Variants in SORCS3 observed in about 807,000 individuals in gnomAD.
The protein encoded by SORCS3 is VPS10 domain-containing receptor SorCS3.
In SORCS3, 57 loss-of-function variants were observed where a neutral mutation model predicts 146.3. The ratio of observed to expected loss-of-function variants is 0.39; its 90% CI spans 0.31 to 0.49. SORCS3 has a LOEUF of 0.49. SORCS3 is among the 20% of genes least tolerant of loss of function. The probability of loss-of-function intolerance (pLI) is 0.92; values close to 1 mark genes in which losing one functional copy is unlikely to be tolerated. For synonymous variants in SORCS3, 653 were observed against 618.5 expected, an observed-to-expected ratio of 1.06 and a Z score of -0.83; for missense variants, 1,341 against 1,575.5, an observed-to-expected ratio of 0.85 and a Z score of 2.52.
chr10:104,954,595 G>A (rs2019467313), intron 3 of SORCS3, among the ~76,000 whole-genome samples: 1 of 152,172 alleles, frequency 6.6e-6, no homozygotes, highest in South Asian at 2.1e-4. Flanking sequence ...AAGTAGAATA[G>A]GATTTGTTTC....
chr10:105,136,698 G>T (rs2056061074), intron 7 of SORCS3, among the ~76,000 whole-genome samples: 2 of 152,112 alleles, frequency 1.3e-5, no homozygotes. Flanking sequence ...GAGGTTTAAT[G>T]CATCAGTTGG....
At position 104,776,697 on chromosome 10, in the gene SORCS3, G is replaced by A. The variant is rs537213157; in HGVS notation, c.628-66095G>A. 3.3e-5 allele frequency among the ~76,000 whole-genome samples: 5 copies of A among 151,644 alleles called. No homozygotes were observed. The East Asian group carries it at 9.7e-4, about 29-fold the overall frequency. On this transcript the variant is annotated intron_variant, in intron 1 of 26. Coordinates refer to ENST00000369701, the MANE Select transcript of SORCS3 (RefSeq NM_014978.3). The stretch of plus-strand genomic sequence containing the variant: ...CCAGACATACTGCATGGCCCCCTCC[G>A]AGAGCCACCCACAGCCTTTTCTTTA...
At chr10:105,111,033 A>G (rs1415743536) in intron 7 of SORCS3, among the ~76,000 whole-genome samples, 2 of 152,092 alleles carry the variant, frequency 1.3e-5, no homozygotes, top group Non-Finnish European at 2.9e-5. Context: ...TACCTACTCC[A>G]TCAGTCACAT....
At chr10:105,208,959 A>G (rs1007384131) in intron 16 of SORCS3, among the ~76,000 whole-genome samples, 8 of 152,090 alleles carry the variant, frequency 5.3e-5, no homozygotes, top group Non-Finnish European at 1.2e-4. Context: ...AAACATGCCA[A>G]TATAAGACTG....
At chr10:105,106,439 T>G (rs1183409844) in intron 7 of SORCS3, among the ~76,000 whole-genome samples, 1 of 152,198 alleles carries the variant, frequency 6.6e-6, no homozygotes, top group Non-Finnish European at 1.5e-5. Context: ...CTTGCAACTT[T>G]ATGGTCTATA....
At chr10:104,906,269 C>A (rs1419149546) in intron 2 of SORCS3, among the ~76,000 whole-genome samples, 1 of 152,170 alleles carries the variant, frequency 6.6e-6, no homozygotes, top group East Asian at 1.9e-4. Flanking sequence ...TTTCCCTGGA[C>A]TTTAATTTGT....
chr10:105,102,755 TTTTATA>T, intron 6 of SORCS3, among the ~76,000 whole-genome samples: 1 of 151,830 alleles, frequency 6.6e-6, no homozygotes, highest in East Asian at 1.9e-4. Flanking sequence ...CTGTACCATC[TTTTATA>T]TTTAAATTAC....
chr10:104,694,960 C>A (rs560040382), intron 1 of SORCS3, among the ~76,000 whole-genome samples: 1 of 152,268 alleles, frequency 6.6e-6, no homozygotes, highest in South Asian at 2.1e-4. Flanking sequence ...TTAGACCAAA[C>A]AGCTTTTCTG....
At chr10:104,936,270 G>GA (rs1365706816) in intron 3 of SORCS3, among the ~76,000 whole-genome samples, 5 of 151,034 alleles carry the variant, frequency 3.3e-5, no homozygotes, top group Non-Finnish European at 5.9e-5. Flanking sequence ...AATGGAGCAA[G>GA]AAAAAAAAAT....
rs2056056411 is a variant in SORCS3 at position 105,135,967 on chromosome 10, G to T, written c.1213-3430G>T. ...CTGAAGAAGGGTCCTCACCAGAATT[G>T]CCCTTAATGCGCTGTTTAATGCAAT... On this transcript the variant is annotated intron_variant, in intron 7 of 26. Transcript: ENST00000369701. Among the ~76,000 whole-genome samples, 2 of 152,228 alleles carry T rather than the reference G, an allele frequency of 1.3e-5. 1 individual carries two copies. The highest frequency in any genetic ancestry group is 2.9e-5 in the Non-Finnish European group (2 of 68,008).
chr10:104,834,805 A>G (rs1248789264), intron 1 of SORCS3, among the ~76,000 whole-genome samples: 7 of 151,534 alleles, frequency 4.6e-5, no homozygotes, highest in Admixed American at 4.6e-4. Context: ...CATGCTATAC[A>G]TATTAGTTTG....
chr10:105,092,181 C>T (rs1277549074), intron 6 of SORCS3, among the ~76,000 whole-genome samples: 1 of 152,184 alleles, frequency 6.6e-6, no homozygotes, highest in African/African-American at 2.4e-5. Flanking sequence ...GCCTATGGTG[C>T]AGGACTTCCG....
intron 1 of SORCS3, among the ~76,000 whole-genome samples, chr10:104,670,384 C>T (rs548524167): frequency 9.3e-4 from 141 of 152,096 alleles, no homozygotes; most frequent in Admixed American, 2.5e-3. Context: ...TTTTTATATA[C>T]GGTGTGAGGT....
At chr10:105,253,444 A>G (rs1339037077) in intron 23 of SORCS3, among the ~76,000 whole-genome samples, 1 of 152,106 alleles carries the variant, frequency 6.6e-6, no homozygotes, top group East Asian at 1.9e-4. Flanking sequence ...AGGGATTGTG[A>G]TTTACTGTTC....
At chr10:104,840,725 C>T (rs1033642969) in intron 1 of SORCS3, among the ~76,000 whole-genome samples, 1 of 37,562 alleles carries the variant, frequency 2.7e-5, no homozygotes, top group Non-Finnish European at 4.8e-5. Context: ...AAACTCTTAC[C>T]CTCAGCATCT....
intron 6 of SORCS3, among the ~76,000 whole-genome samples, chr10:105,102,102 G>C (rs1303673689): frequency 6.6e-6 from 1 of 152,172 alleles, no homozygotes; most frequent in Non-Finnish European, 1.5e-5. Flanking sequence ...TGTCCTTAAA[G>C]CATGTTGGAC....
intron 5 of SORCS3, among the ~76,000 whole-genome samples, chr10:105,059,922 G>A (rs2055472549): frequency 6.6e-6 from 1 of 152,218 alleles, no homozygotes. Context: ...GCTGGCCTTA[G>A]ATGTACCAGC....
chr10:104,792,428 G>T lies in SORCS3; in HGVS notation c.628-50364G>T, dbSNP rs187450439. Among the ~76,000 whole-genome samples, 3 of 152,292 alleles carry T rather than the reference G, an allele frequency of 2.0e-5. No homozygotes were observed. The East Asian group carries it at 5.8e-4, about 29-fold the overall frequency. On this transcript the variant is annotated intron_variant, in intron 1 of 26. Coordinates refer to ENST00000369701, the MANE Select transcript of SORCS3 (RefSeq NM_014978.3). Reference sequence around the variant, plus strand: ...ACCACATTGTTGGTCCCTCTTTGAGGCCGTATCCCATTCTGCTTTGCTTCA... The same window carrying T: ...ACCACATTGTTGGTCCCTCTTTGAGTCCGTATCCCATTCTGCTTTGCTTCA...
intron 1 of SORCS3, among the ~76,000 whole-genome samples, chr10:104,653,710 G>A (rs757004768): frequency 2.0e-5 from 3 of 152,080 alleles, no homozygotes; most frequent in African/African-American, 4.8e-5. Flanking sequence ...TATGCGATAC[G>A]TGAGATGTTT....
Sources: allele counts gnomAD v4.1 joint callset (sites outside exome capture counted in the v4.1 genomes callset), GRCh38; gene constraint gnomAD v4.1.1; transcripts MANE v1.5; gene names NCBI Gene and HGNC (gene_info 2026-07-23, HGNC 2026-07-21).